The following FEZ1 variants were observed in gnomAD, a reference collection of about 807,000 sequenced individuals.
FEZ1 encodes the protein fasciculation and elongation protein zeta 1, also known as fasciculation and elongation protein zeta-1.
Under a neutral mutation model 49.3 loss-of-function variants are expected in FEZ1, and 20 were observed. The observed-to-expected ratio is 0.41, with a 90% confidence interval of 0.29 to 0.59. The LOEUF (loss-of-function observed/expected upper bound fraction) is 0.59. FEZ1 is among the 20% of genes least tolerant of loss of function. FEZ1 has a pLI of 0.36. For missense variants in FEZ1, 413 were observed against 476.0 expected (o/e 0.87, Z 1.23); for synonymous variants, 170 against 180.9 (o/e 0.94, Z 0.48).
At chr11:125,493,913 A>C (rs1414404787) in intron 1 of FEZ1, among the ~76,000 whole-genome samples, 1 of 152,216 alleles carries the variant, frequency 6.6e-6, no homozygotes. Flanking sequence ...ACCAGAATCT[A>C]GGACTAAGAC....
intron 8 of FEZ1, among the ~76,000 whole-genome samples, chr11:125,451,803 A>G (rs1956961032): frequency 6.6e-6 from 1 of 152,242 alleles, no homozygotes; most frequent in Admixed American, 6.5e-5. Context: ...ATATTTGACA[A>G]TAGAGCAAAG....
At chr11:125,460,219 T>G in intron 5 of FEZ1, 1 of 304,228 alleles carries the variant, frequency 3.3e-6, no homozygotes, top group East Asian at 5.7e-5. Context: ...ATTCATTGCT[T>G]TTATATAGTA....
At chr11:125,457,443 T>TATATACAC (rs1565533486) in intron 5 of FEZ1, among the ~76,000 whole-genome samples, 2 of 74,282 alleles carry the variant, frequency 2.7e-5, no homozygotes, top group African/African-American at 9.7e-5. Flanking sequence ...TATATATATA[T>TATATACAC]ATATATATGT....
intron 3 of FEZ1, among the ~76,000 whole-genome samples, chr11:125,480,844 C>A (rs1015640887): frequency 1.3e-5 from 2 of 152,098 alleles, no homozygotes; most frequent in Non-Finnish European, 2.9e-5. Context: ...TCAAGACCAT[C>A]CTGGCTAACA....
intron 3 of FEZ1, among the ~76,000 whole-genome samples, chr11:125,463,980 G>A (rs2135754471): frequency 6.6e-6 from 1 of 152,276 alleles, no homozygotes; most frequent in South Asian, 2.1e-4. Context: ...CTGGGGGGTT[G>A]TTTCCAGATT....
chr11:125,484,882 C>G (rs968325678), intron 2 of FEZ1, among the ~76,000 whole-genome samples: 2 of 152,056 alleles, frequency 1.3e-5, no homozygotes, highest in African/African-American at 4.8e-5. Flanking sequence ...GCAGCCTCAG[C>G]AACAGAGGAG....
In FEZ1 at chr11:125,495,785, GGCACACACACGCGGACACACAC is replaced by G. The variant is rs1957460104; in HGVS notation, c.-46+314_-46+335del. ...GCCTTCACACGCGCGCACACACGCG[GGCACACACACGCGGACACACAC>G]ACACACACACACACACACACACACA... On this transcript the variant is annotated intron_variant, in intron 1 of 9. Transcript: ENST00000278919. The surrounding 1 kb of genome is among the most constrained non-coding windows in gnomAD (Gnocchi z 4.2). 1 of 347,008 alleles carries G rather than the reference GGCACACACACGCGGACACACAC, an allele frequency of 2.9e-6. No homozygotes were observed. Among genetic ancestry groups the G allele is most frequent in the East Asian group, 7.6e-5 (1 of 13,090 alleles). The allele number at this position is 347,008 out of a possible 1,614,324, so 21.5% of individuals were successfully genotyped here.
intron 2 of FEZ1, chr11:125,488,695 A>C (rs936683804): frequency 1.4e-5 from 14 of 984,534 alleles, no homozygotes; most frequent in Non-Finnish European, 1.7e-5. Flanking sequence ...AAAACAAAAC[A>C]AAACAAAACA....
At chr11:125,448,614 G>A (rs761341255) in intron 8 of FEZ1, 47 bp from the exon 9 acceptor site, 11 of 1,286,564 alleles carry the variant, frequency 8.5e-6, no homozygotes, top group South Asian at 1.2e-5. Flanking sequence ...TCTGGTCAGA[G>A]GTTCACTTCT....
In FEZ1 at chr11:125,482,007, C is replaced by CAG. The variant is rs138138330; in HGVS notation, c.312-376_312-375dup. On this transcript the variant is annotated intron_variant, in intron 2 of 9. Coordinates refer to ENST00000278919, the MANE Select transcript of FEZ1 (RefSeq NM_005103.5). ...ATGCCCATGTTTCTTTTCCTATGGG[C>CAG]AGAGAGAGAGAGAGAGAAAGAGAGA... Among the ~76,000 whole-genome samples the CAG allele has an allele frequency of 4.7e-5, 7 of 147,758 alleles. No individual in the cohort carries two copies. The South Asian group carries it at 8.6e-4, about 18-fold the overall frequency.
At chr11:125,493,354 A>AGAG (rs1184642652) in intron 1 of FEZ1, among the ~76,000 whole-genome samples, 2 of 138,012 alleles carry the variant, frequency 1.4e-5, no homozygotes, top group African/African-American at 5.7e-5. Context: ...AGAAAGAAAG[A>AGAG]AAGAGAGAAA....
intron 3 of FEZ1, among the ~76,000 whole-genome samples, chr11:125,471,431 T>TAC (rs34965918): frequency 0.018 from 2,680 of 147,962 alleles, 49 homozygotes; most frequent in African/African-American, 0.04. Flanking sequence ...TTGAGATAGA[T>TAC]ACACACACAC....
At chr11:125,480,483 G>A (rs1024298705) in intron 3 of FEZ1, among the ~76,000 whole-genome samples, 1 of 152,202 alleles carries the variant, frequency 6.6e-6, no homozygotes, top group Non-Finnish European at 1.5e-5. Context: ...GTCAGCACTT[G>A]TTCTCAGCAC....
intron 5 of FEZ1, among the ~76,000 whole-genome samples, chr11:125,457,464 A>ATATATGTT (rs1491137202): frequency 1.7e-5 from 1 of 60,108 alleles, no homozygotes; most frequent in East Asian, 5.3e-4. Context: ...ATATATACAC[A>ATATATGTT]TATATATGTA....
At chr11:125,483,120 T>C (rs567846854) in intron 2 of FEZ1, among the ~76,000 whole-genome samples, 1 of 151,412 alleles carries the variant, frequency 6.6e-6, no homozygotes, top group Non-Finnish European at 1.5e-5. Flanking sequence ...TAAGCAAGTA[T>C]GTATATATAC....
intron 8 of FEZ1, among the ~76,000 whole-genome samples, chr11:125,451,939 C>T (rs1318801055): frequency 6.6e-6 from 1 of 152,220 alleles, no homozygotes; most frequent in African/African-American, 2.4e-5. Flanking sequence ...ACCAGGCGCC[C>T]TGCTTCAAGG....
intron 3 of FEZ1, among the ~76,000 whole-genome samples, chr11:125,476,563 T>A (rs1388541164): frequency 1.3e-5 from 2 of 151,954 alleles, no homozygotes. Context: ...AAGGAAAAAA[T>A]TCATTCTAAA....
Position 125,457,193 on chromosome 11 carries a change from AAAATAAAT to A in FEZ1, c.668-1095_668-1088del, listed in dbSNP as rs549309992. Among the ~76,000 whole-genome samples, 630 of 151,052 alleles carry A rather than the reference AAAATAAAT, an allele frequency of 4.2e-3. 4 individuals are homozygous for A. Among genetic ancestry groups the A allele is most frequent in the African/African-American group, 0.015 (599 of 41,182 alleles). ...AAGAGCAAAACTCTATCTTAAAATA[AAAATAAAT>A]AAATAAATAAATAAATAAAAACTTT... On this transcript the variant is annotated intron_variant, in intron 5 of 9. Transcript: ENST00000278919.
At chr11:125,485,398 G>A (rs1319180854) in intron 2 of FEZ1, among the ~76,000 whole-genome samples, 2 of 152,106 alleles carry the variant, frequency 1.3e-5, no homozygotes, top group Non-Finnish European at 2.9e-5. Flanking sequence ...GAACTCCAGG[G>A]CCTGGAACTG....
Sources: allele counts gnomAD v4.1 joint callset (sites outside exome capture counted in the v4.1 genomes callset), GRCh38; gene constraint gnomAD v4.1.1; non-coding constraint Gnocchi (gnomAD v3.1); transcripts MANE v1.5; gene names NCBI Gene and HGNC (gene_info 2026-07-23, HGNC 2026-07-21).